PLSCR2: variants seen among roughly 807,000 people sequenced by gnomAD.
PLSCR2 encodes the protein PL scramblase 2.
PLSCR2 carries 18 observed loss-of-function variants against 25.3 expected under a neutral mutation model. That is an observed-to-expected ratio of 0.71 (90% CI 0.49 to 1.06). The LOEUF (loss-of-function observed/expected upper bound fraction) is 1.06, where lower values mean the gene tolerates loss of function less well. Ranked by LOEUF, PLSCR2 falls within the 50% of genes least tolerant of loss-of-function variation. PLSCR2 has a pLI of 0.00. For synonymous variants in PLSCR2, 88 were observed against 87.3 expected (o/e 1.01, Z -0.04); for missense variants, 243 against 269.5 (o/e 0.90, Z 0.69).
intron 2 of PLSCR2, among the ~76,000 whole-genome samples, chr3:146,397,641 A>G (rs542848746): frequency 6.6e-6 from 1 of 152,250 alleles, no homozygotes; most frequent in African/African-American, 2.4e-5. Flanking sequence ...AGTGTTTTAT[A>G]TAACTTTGAC....
At chr3:146,475,988 C>T (rs995388536) in intron 1 of PLSCR2, among the ~76,000 whole-genome samples, 10 of 152,194 alleles carry the variant, frequency 6.6e-5, no homozygotes, top group African/African-American at 2.4e-4. Flanking sequence ...AGATTTTGGT[C>T]AGCTTCTTCT....
chr3:146,410,230 TGA>T (rs2038801045), intron 2 of PLSCR2, among the ~76,000 whole-genome samples: 1 of 152,014 alleles, frequency 6.6e-6, no homozygotes, highest in Non-Finnish European at 1.5e-5. Context: ...ATCCTTAAGA[TGA>T]GAGAGTAGCC....
intron 2 of PLSCR2, among the ~76,000 whole-genome samples, chr3:146,409,577 G>A (rs1456837213): frequency 6.6e-6 from 1 of 152,094 alleles, no homozygotes; most frequent in Non-Finnish European, 1.5e-5. Context: ...TTGAACTATT[G>A]TAGGATTCAA....
In PLSCR2 at chr3:146,455,265, AAC is replaced by A. The variant is rs763049077; in HGVS notation, c.293_294del (p.Cys98LeufsTer37). Reference sequence around the variant, plus strand: ...TCCTGAAGGCAGCAGGGGCAACAACAACAGTTACATCTTAGTGGTCTTTCCAG... The same window carrying A: ...TCCTGAAGGCAGCAGGGGCAACAACAAGTTACATCTTAGTGGTCTTTCCAG... On this transcript the variant is annotated frameshift_variant, in exon 4 of 7. Transcript: ENST00000610787. LOFTEE classifies it high-confidence loss of function. 1.2e-6 allele frequency: 2 copies of A among 1,613,856 alleles called. No individual in the cohort carries two copies.
rs547305266 is a variant in PLSCR2 at position 146,435,461 on chromosome 3, A to G, written c.*35-1944T>C. Among the ~76,000 whole-genome samples, 3 of 152,316 alleles carry G rather than the reference A, an allele frequency of 2.0e-5. No homozygotes were observed. In the East Asian group the frequency reaches 5.8e-4, roughly 29 times the overall value. On this transcript the variant is annotated intron_variant, in intron 8 of 8. Coordinates refer to the PLSCR2 transcript ENST00000336685. The stretch of plus-strand genomic sequence containing the variant: ...GTTTCCTGACTTTTTAATGACTGCC[A>G]TTCTAACTGGTGTGAGATGGTATCT...
chr3:146,460,301 C>A, exon 1 of PLSCR2: 1 of 1,037,604 alleles, frequency 9.6e-7, no homozygotes, highest in Non-Finnish European at 1.3e-6. Flanking sequence ...ATAGAGTCGG[C>A]CTAGAGCTTT....
intron 2 of PLSCR2, among the ~76,000 whole-genome samples, chr3:146,459,320 T>C (rs1333802078): frequency 1.3e-5 from 2 of 152,196 alleles, no homozygotes; most frequent in Non-Finnish European, 2.9e-5. Context: ...ACTCTAAACT[T>C]TACATGTCTT....
chr3:146,407,001 G>A (rs187129816), intron 2 of PLSCR2, among the ~76,000 whole-genome samples: 29 of 152,322 alleles, frequency 1.9e-4, no homozygotes, highest in African/African-American at 5.5e-4. Flanking sequence ...GCTTAGGCAA[G>A]ATAGGTGGCA....
At chr3:146,441,160 A>T (rs898584377), downstream of PLSCR2, among the ~76,000 whole-genome samples, 4 of 152,140 alleles carry the variant, frequency 2.6e-5, no homozygotes, top group Non-Finnish European at 4.4e-5. Context: ...GAGAAGGTAA[A>T]TATAGTGTGC....
chr3:146,475,285 G>C (rs1245490697), intron 1 of PLSCR2, among the ~76,000 whole-genome samples: 1 of 151,960 alleles, frequency 6.6e-6, no homozygotes, highest in African/African-American at 2.4e-5. Flanking sequence ...AGTTTGCCTA[G>C]TTTCAGTCTT....
At chr3:146,395,967 A>G (rs2038259731) in intron 2 of PLSCR2, 1 of 280,150 alleles carries the variant, frequency 3.6e-6, no homozygotes, top group Non-Finnish European at 7.1e-6. Context: ...TCTGTGAGAC[A>G]AAAAGTTATT....
At chr3:146,462,101 C>T (rs1301401249), upstream of PLSCR2, 7 of 481,354 alleles carry the variant, frequency 1.5e-5, no homozygotes, top group Non-Finnish European at 2.6e-5. Context: ...GCTGTCTATA[C>T]ATTTGTAGGT....
intron 2 of PLSCR2, among the ~76,000 whole-genome samples, chr3:146,409,668 G>A (rs1247675184): frequency 6.6e-6 from 1 of 152,064 alleles, no homozygotes; most frequent in African/African-American, 2.4e-5. Context: ...TTTTTAAGGT[G>A]GACTTCATAA....
intron 2 of PLSCR2, among the ~76,000 whole-genome samples, chr3:146,398,316 C>T (rs541929174): frequency 1.1e-4 from 17 of 151,610 alleles, no homozygotes; most frequent in Admixed American, 1.1e-3. Context: ...GCAGAAACTG[C>T]GTTAATGAAC....
chr3:146,489,228 G>T (rs769208529), intron 1 of PLSCR2, among the ~76,000 whole-genome samples: 2 of 152,036 alleles, frequency 1.3e-5, no homozygotes, highest in African/African-American at 4.8e-5. Context: ...TTAATACCTA[G>T]GTGATGGCTT....
chr3:146,430,850 G>T (rs1030672522), downstream of PLSCR2, among the ~76,000 whole-genome samples: 4 of 148,056 alleles, frequency 2.7e-5, no homozygotes, highest in Admixed American at 2.8e-4. Flanking sequence ...CTTCCCCACT[G>T]ATCCATGTGC....
intron 1 of PLSCR2, among the ~76,000 whole-genome samples, chr3:146,479,860 AAAG>A (rs1376738891): frequency 6.6e-6 from 1 of 152,226 alleles, no homozygotes; most frequent in Non-Finnish European, 1.5e-5. Context: ...TGCAAATGTA[AAAG>A]AAGAGAAATA....
intron 3 of PLSCR2, among the ~76,000 whole-genome samples, chr3:146,393,061 C>T (rs548574355): frequency 5.9e-4 from 77 of 131,078 alleles, no homozygotes; most frequent in African/African-American, 2.2e-3. Flanking sequence ...CAGAGTCTCG[C>T]TCTGTTGTCC....
chr3:146,416,897 T>C (rs1264867197), intron 2 of PLSCR2, among the ~76,000 whole-genome samples: 5 of 152,216 alleles, frequency 3.3e-5, no homozygotes, highest in African/African-American at 1.2e-4. Context: ...CATGTGACTT[T>C]AATCTATTTA....
Sources: gnomAD v4.1 joint callset for allele counts (sites outside exome capture counted in the v4.1 genomes callset) on GRCh38, gnomAD v4.1.1 for gene constraint, MANE v1.5 for transcripts, NCBI Gene and HGNC (gene_info 2026-07-23, HGNC 2026-07-21) for gene names.